MYL1: variants seen among roughly 807,000 people sequenced by gnomAD.
The protein encoded by MYL1 is myosin light chain 1.
In MYL1, 16 loss-of-function variants were observed where a neutral mutation model predicts 21.8. The observed-to-expected ratio is 0.74, with a 90% confidence interval of 0.50 to 1.12. The LOEUF is 1.12. MYL1 is among the 50% of genes most tolerant of loss of function. The probability of loss-of-function intolerance (pLI) is 0.00; values close to 1 mark genes in which losing one functional copy is unlikely to be tolerated. For missense variants in MYL1, 246 were observed against 241.0 expected (o/e 1.02, Z -0.14); for synonymous variants, 99 against 85.2 (o/e 1.16, Z -0.89).
At chr2:210,302,631 C>A in intron 1 of MYL1, 116 bp from the exon 2 acceptor site, 1 of 1,485,360 alleles carries the variant, frequency 6.7e-7, no homozygotes, top group South Asian at 1.3e-5. Context: ...AAAAGTCAGC[C>A]TACTTTTCAG....
intron 5 of MYL1, among the ~76,000 whole-genome samples, chr2:210,291,514 T>TAAA (rs1435490348): frequency 3.9e-5 from 6 of 152,224 alleles, no homozygotes; most frequent in Non-Finnish European, 5.9e-5. Context: ...CTGGTTCCCC[T>TAAA]TTTTACTGCT....
At chr2:210,303,231 A>G (rs917253495) in intron 1 of MYL1, among the ~76,000 whole-genome samples, 1 of 152,220 alleles carries the variant, frequency 6.6e-6, no homozygotes, top group Non-Finnish European at 1.5e-5. Flanking sequence ...ATTTTAATGT[A>G]TAATATTTTG....
chr2:210,309,272 G>A (rs79521270), intron 1 of MYL1, among the ~76,000 whole-genome samples: 1,411 of 20,928 alleles, frequency 0.067, 21 homozygotes, highest in African/African-American at 0.2. Context: ...AAGTAATTTA[G>A]ATAAACAAAA....
intron 1 of MYL1, among the ~76,000 whole-genome samples, chr2:210,306,778 C>T (rs1439800490): frequency 6.6e-6 from 1 of 150,884 alleles, no homozygotes; most frequent in Non-Finnish European, 1.5e-5. Flanking sequence ...AGTAAAATGG[C>T]GTGATCTCGG....
At chr2:210,293,342 A>T (rs989075521) in intron 5 of MYL1, among the ~76,000 whole-genome samples, 4 of 152,214 alleles carry the variant, frequency 2.6e-5, no homozygotes, top group Non-Finnish European at 5.9e-5. Flanking sequence ...TCACCAAGTA[A>T]CTAAACCTAT....
At chr2:210,309,762 T>C (rs771809056) in intron 1 of MYL1, among the ~76,000 whole-genome samples, 2 of 152,000 alleles carry the variant, frequency 1.3e-5, no homozygotes, top group Non-Finnish European at 1.5e-5. Flanking sequence ...TAAAAACAAC[T>C]TGCCAGGGGT....
chr2:210,294,447 T>C lies in MYL1; in HGVS notation c.305-29A>G, dbSNP rs748136870. 11 of 1,601,434 alleles carry C rather than the reference T, an allele frequency of 6.9e-6. No homozygotes were observed. In the Admixed American group the frequency reaches 1.2e-4, roughly 17 times the overall value. ...TAAGAAATTGCAATTTTGAGGGTTATTAGCTACCATAATACTAACTCTGAG... is the reference window on the plus strand; with the variant it reads ...TAAGAAATTGCAATTTTGAGGGTTACTAGCTACCATAATACTAACTCTGAG... On this transcript the variant is annotated intron_variant, in intron 3 of 6. Coordinates refer to ENST00000352451, the MANE Select transcript of MYL1 (RefSeq NM_079420.3).
intron 5 of MYL1, among the ~76,000 whole-genome samples, chr2:210,292,296 C>T (rs1690089672): frequency 6.6e-6 from 1 of 152,176 alleles, no homozygotes; most frequent in Non-Finnish European, 1.5e-5. Flanking sequence ...TGGTCTGGAA[C>T]TCCTGACTTC....
At chr2:210,304,070 A>G (rs1171319707) in intron 1 of MYL1, among the ~76,000 whole-genome samples, 1 of 152,186 alleles carries the variant, frequency 6.6e-6, no homozygotes, top group Non-Finnish European at 1.5e-5. Flanking sequence ...TCTGAAGTGT[A>G]CTGTCCTTTA....
chr2:210,302,814 A>G (rs1690284855), intron 1 of MYL1: 1 of 1,554,830 alleles, frequency 6.4e-7, no homozygotes, highest in African/African-American at 1.4e-5. Context: ...AAGAAGAGAA[A>G]GAAAGAAAAA....
intron 1 of MYL1, among the ~76,000 whole-genome samples, chr2:210,309,282 A>AG (rs1690383616): frequency 6.6e-6 from 1 of 152,222 alleles, no homozygotes; most frequent in East Asian, 1.9e-4. Context: ...GATAAACAAA[A>AG]CATAACTTCA....
At chr2:210,297,714 T>A (rs925566602) in intron 3 of MYL1, among the ~76,000 whole-genome samples, 18 of 152,036 alleles carry the variant, frequency 1.2e-4, no homozygotes, top group Non-Finnish European at 2.4e-4. Flanking sequence ...CTGGATTGAG[T>A]AAATGACTTC....
intron 5 of MYL1, among the ~76,000 whole-genome samples, chr2:210,293,145 TA>T (rs1006574928): frequency 6.6e-6 from 1 of 152,228 alleles, no homozygotes; most frequent in African/African-American, 2.4e-5. Context: ...TTTAAATTTG[TA>T]AATTATATTA....
At chr2:210,299,897 C>T (rs1690237431) in intron 2 of MYL1, among the ~76,000 whole-genome samples, 1 of 152,124 alleles carries the variant, frequency 6.6e-6, no homozygotes, top group Non-Finnish European at 1.5e-5. Flanking sequence ...AGATAGATTA[C>T]TCAGCAAAGT....
chr2:210,301,534 G>A (rs1690265240), intron 2 of MYL1, among the ~76,000 whole-genome samples: 2 of 151,696 alleles, frequency 1.3e-5, no homozygotes, highest in Non-Finnish European at 2.9e-5. Context: ...ATGTAATATA[G>A]ACATACTACT....
chr2:210,301,594 CTCCT>C (rs1213767932), intron 2 of MYL1, among the ~76,000 whole-genome samples: 3 of 151,824 alleles, frequency 2.0e-5, no homozygotes, highest in Non-Finnish European at 1.5e-5. Context: ...ATTTTTTCTC[CTCCT>C]TCCATCTATA....
At chr2:210,303,514 T>A (rs1690295125) in intron 1 of MYL1, 1 of 1,601,980 alleles carries the variant, frequency 6.2e-7, no homozygotes, top group Non-Finnish European at 8.5e-7. Context: ...CTCCTATAAA[T>A]GACAAATTAT....
intron 1 of MYL1, 104 bp from the exon 2 acceptor site, chr2:210,302,619 C>A: frequency 6.7e-7 from 1 of 1,496,268 alleles, no homozygotes; most frequent in Non-Finnish European, 9.1e-7. Flanking sequence ...AAAGTAAGCT[C>A]CAAAAGTCAG....
At position 210,294,287 on chromosome 2, in the gene MYL1, T is replaced by C. The variant is rs771728814; in HGVS notation, c.436A>G (p.Thr146Ala). Residue 146 changes from threonine to alanine, a missense_variant, in exon 4 of 7, where the codon ACA (threonine) becomes GCA (alanine). Physicochemically the swap from Thr to Ala is moderately conservative, Grantham distance 58. Coordinates refer to ENST00000352451, the MANE Select transcript of MYL1 (RefSeq NM_079420.3). Reference sequence around the variant, plus strand: ...TGGCGGAGTTCAGCACCCATGACTGTGCCATTGCCTTCCTTGTCAAAGACA... The same window carrying C: ...TGGCGGAGTTCAGCACCCATGACTGCGCCATTGCCTTCCTTGTCAAAGACA... Reference protein sequence around the residue: ...LRVFDKEGNGTVMGAELRHVL... With the variant: ...LRVFDKEGNGAVMGAELRHVL... The C allele has an allele frequency of 6.2e-7, 1 of 1,614,022 alleles. No individual in the cohort carries two copies. Among genetic ancestry groups the C allele is most frequent in the Non-Finnish European group, 8.5e-7 (1 of 1,179,932 alleles).
Sources: allele counts gnomAD v4.1 joint callset (sites outside exome capture counted in the v4.1 genomes callset), GRCh38; gene constraint gnomAD v4.1.1; transcripts MANE v1.5; gene names NCBI Gene and HGNC (gene_info 2026-07-23, HGNC 2026-07-21).